ADARB1: variants seen among roughly 807,000 people sequenced by gnomAD.
ADARB1 encodes the protein adenosine deaminase RNA specific B1.
A neutral mutation model predicts 52.4 loss-of-function variants in ADARB1; 10 were observed. The ratio of observed to expected loss-of-function variants is 0.19; its 90% CI spans 0.12 to 0.32. ADARB1 has a LOEUF of 0.32. Ranked by LOEUF, ADARB1 falls within the 10% of genes least tolerant of loss-of-function variation. The pLI is 1.00. For missense variants in ADARB1, 643 were observed against 922.3 expected (o/e 0.70, Z 3.92); for synonymous variants, 349 against 371.1 (o/e 0.94, Z 0.68).
rs1044670480 is a variant in ADARB1, at chr21:45,223,658, G to T, written c.*1461G>T. 9.1e-6 allele frequency: 9 copies of T among 985,502 alleles called. No homozygotes were observed. In the African/African-American group the frequency reaches 1.6e-4, roughly 17 times the overall value. 61.0% of individuals were successfully genotyped at this position (985,502 alleles called of 1,614,324 possible). ...CACCTGCCACAGCGAAATCCAGGGT[G>T]TTGGCACCTGTGTGTCCGTGATGAG... is the stretch of plus-strand genomic sequence containing the variant. On this transcript the variant is annotated 3_prime_UTR_variant, in exon 11 of 11. Transcript: ENST00000348831.
intron 2 of ADARB1, among the ~76,000 whole-genome samples, chr21:45,150,808 C>G (rs2090247104): frequency 1.3e-5 from 2 of 152,224 alleles, no homozygotes; most frequent in African/African-American, 4.8e-5. Context: ...GACACATGCC[C>G]TGGTGGCTCT....
chr21:45,115,439 G>A (rs1226218256), intron 1 of ADARB1, among the ~76,000 whole-genome samples: 1 of 152,224 alleles, frequency 6.6e-6, no homozygotes, highest in Non-Finnish European at 1.5e-5. Flanking sequence ...GATGTCTCTG[G>A]ATCACTCAAC....
At chr21:45,102,491 T>C (rs1601346949) in intron 1 of ADARB1, among the ~76,000 whole-genome samples, 1 of 152,240 alleles carries the variant, frequency 6.6e-6, no homozygotes. Context: ...ATTGGAGAAA[T>C]AGCTGATTCT....
Position 45,111,087 on chromosome 21 carries a change from G to A in ADARB1, c.-219-17315G>A, listed in dbSNP as rs184562030. ...GCAGGAAAGCGCACAAGAGGAAGGC[G>A]CAGCTGAGTGAAGCATTGCAGAGCC... On this transcript the variant is annotated intron_variant, in intron 1 of 10. Transcript: ENST00000348831. Among the ~76,000 whole-genome samples, 223 of 152,232 alleles carry A rather than the reference G, an allele frequency of 1.5e-3. 3 individuals are homozygous for A. The highest frequency in any genetic ancestry group is 5.2e-3 in the African/African-American group (216 of 41,538).
chr21:45,134,984 C>A (rs2089282257), intron 2 of ADARB1: 4 of 364,542 alleles, frequency 1.1e-5, no homozygotes, highest in South Asian at 8.2e-5. Flanking sequence ...AGGCTGTAGC[C>A]TGTGAGCAGA....
At chr21:45,141,061 G>A (rs2089694247) in intron 2 of ADARB1, among the ~76,000 whole-genome samples, 1 of 152,154 alleles carries the variant, frequency 6.6e-6, no homozygotes, top group African/African-American at 2.4e-5. Flanking sequence ...AGCCAGGCAT[G>A]GTGGCACATG....
In ADARB1 at chr21:45,219,523, G is replaced by A. The variant is rs186329550; in HGVS notation, c.1748-1313G>A. Among the ~76,000 whole-genome samples the A allele has an allele frequency of 5.9e-5, 9 of 152,124 alleles. No individual in the cohort carries two copies. In the East Asian group the frequency reaches 1.5e-3, roughly 26 times the overall value. Reference sequence around the variant, plus strand: ...GGCAACAAGAGTGAGACTCCGTCTCGAAAAAAAGAACTGAATGTCTTGGGA... The same window carrying A: ...GGCAACAAGAGTGAGACTCCGTCTCAAAAAAAAGAACTGAATGTCTTGGGA... On this transcript the variant is annotated intron_variant, in intron 9 of 10. Transcript: ENST00000348831.
In ADARB1 at chr21:45,176,483, A is replaced by G. The variant is rs1472431362; in HGVS notation, c.782A>G (p.Lys261Arg). The change falls in exon 4 of 11, where the codon AAG becomes AGG. Residue 261 changes from lysine (K) to arginine (R), a missense_variant. Lys to Arg is a conservative substitution (Grantham distance 26). Coordinates refer to ENST00000348831, the MANE Select transcript of ADARB1 (RefSeq NM_001112.4). The surrounding 1 kb of genome is among the most constrained non-coding windows in gnomAD (Gnocchi z 5.8). ...TCCGAGAGCGGGGAGAGCCATGCCA[A>G]GAGCTTCGTCATGTCTGTGGTCGTG... ...FLSESGESHA[K>R]SFVMSVVVDG... 1 of 1,614,008 alleles carries G rather than the reference A, an allele frequency of 6.2e-7. No homozygotes were observed. The highest frequency in any genetic ancestry group is 1.3e-5 in the African/African-American group (1 of 74,910).
At chr21:45,161,500 GCCT>G (rs2090966418) in intron 2 of ADARB1, among the ~76,000 whole-genome samples, 2 of 152,230 alleles carry the variant, frequency 1.3e-5, no homozygotes, top group African/African-American at 4.8e-5. Context: ...GCACCCTGCT[GCCT>G]CGGCACCCCC....
chr21:45,077,908 T>A (rs1473467367), intron 1 of ADARB1, among the ~76,000 whole-genome samples: 2 of 152,218 alleles, frequency 1.3e-5, no homozygotes, highest in Non-Finnish European at 2.9e-5. Flanking sequence ...AGTTGACAGC[T>A]TTTTATCTGG....
intron 2 of ADARB1, chr21:45,144,574 C>G (rs1249011805): frequency 7.0e-6 from 3 of 431,100 alleles, no homozygotes; most frequent in Non-Finnish European, 1.4e-5. Context: ...CTTTGAATTT[C>G]TGGATTCTCA....
At chr21:45,134,925 G>C (rs554250987) in intron 2 of ADARB1, 1 of 460,388 alleles carries the variant, frequency 2.2e-6, no homozygotes, top group Admixed American at 2.4e-5. Context: ...TGCCTGGGCA[G>C]AGCCACCTCT....
At chr21:45,086,837 T>G (rs1275629659) in intron 1 of ADARB1, among the ~76,000 whole-genome samples, 3 of 152,244 alleles carry the variant, frequency 2.0e-5, no homozygotes, top group Non-Finnish European at 4.4e-5. Flanking sequence ...TAGGAGTTCG[T>G]AGGAGCTTCG....
intron 9 of ADARB1, among the ~76,000 whole-genome samples, chr21:45,206,955 T>A (rs2092680268): frequency 6.6e-6 from 1 of 152,196 alleles, no homozygotes; most frequent in Non-Finnish European, 1.5e-5. Context: ...TGTGCCGAGC[T>A]GATTCAGCAG....
chr21:45,101,370 G>T (rs2087007862), intron 1 of ADARB1, among the ~76,000 whole-genome samples: 2 of 152,252 alleles, frequency 1.3e-5, no homozygotes, highest in Admixed American at 6.5e-5. Context: ...AATGCCCGCT[G>T]CCAGTCGCCG....
intron 2 of ADARB1, among the ~76,000 whole-genome samples, chr21:45,166,898 C>T (rs1477335072): frequency 6.6e-6 from 1 of 151,456 alleles, no homozygotes; most frequent in East Asian, 1.9e-4. Context: ...TTTAATTGAC[C>T]ATTCTTGGAA....
intron 9 of ADARB1, among the ~76,000 whole-genome samples, chr21:45,207,891 T>G (rs1338165241): frequency 6.6e-6 from 1 of 152,222 alleles, no homozygotes; most frequent in African/African-American, 2.4e-5. Flanking sequence ...GGTGTTGCTT[T>G]CTTTTAAAAA....
intron 9 of ADARB1, among the ~76,000 whole-genome samples, chr21:45,206,873 C>T (rs1739736582): frequency 6.6e-6 from 1 of 152,170 alleles, no homozygotes; most frequent in Admixed American, 6.5e-5. Flanking sequence ...CGTGCCTGGC[C>T]TCCGTTATCT....
intron 1 of ADARB1, among the ~76,000 whole-genome samples, chr21:45,126,872 G>A (rs1368591748): frequency 6.6e-6 from 1 of 152,196 alleles, no homozygotes; most frequent in East Asian, 1.9e-4. Context: ...CCATCCTGCA[G>A]ACGGCCCAGG....
Sources: gnomAD v4.1 joint callset for allele counts (sites outside exome capture counted in the v4.1 genomes callset) on GRCh38, gnomAD v4.1.1 for gene constraint, Gnocchi (gnomAD v3.1) non-coding constraint, MANE v1.5 for transcripts, NCBI Gene and HGNC (gene_info 2026-07-23, HGNC 2026-07-21) for gene names.